TMEM245: variants seen among roughly 807,000 people sequenced by gnomAD.
TMEM245 encodes the protein transmembrane protein 245.
TMEM245 carries 69 observed loss-of-function variants against 101.2 expected under a neutral mutation model. The observed-to-expected ratio is 0.68, with a 90% CI of 0.56 to 0.83. The LOEUF is 0.83. TMEM245 is among the 40% of genes least tolerant of loss of function. The pLI is 0.00. For synonymous variants in TMEM245, 537 were observed against 449.8 expected, an observed-to-expected ratio of 1.19 and a Z score of -2.45; for missense variants, 1,075 against 1,092.8, an observed-to-expected ratio of 0.98 and a Z score of 0.23.
rs1317119074 is a variant in TMEM245 at position 109,119,518 on chromosome 9, G to A, written c.396C>T (p.Asp132=). 2 of 1,525,032 alleles carry A rather than the reference G, an allele frequency of 1.3e-6. No homozygotes were observed. Among genetic ancestry groups the A allele is most frequent in the East Asian group, 2.6e-5 (1 of 38,770 alleles). 94.5% of individuals were successfully genotyped at this position (1,525,032 alleles called of 1,614,324 possible). A position where few individuals can be genotyped will look rare whatever the true frequency, so the allele number is the denominator to read the frequency against. ...AALLLPLCFV[D]YGVEALGEQA... ...GCTCGCCCAGGGCCTCGACGCCGTA[G>A]TCGACGAAGCAGAGCGGCAGGAGCA... Residue 132 remains aspartate (D), a synonymous_variant, in exon 1 of 18, where the codon GAC becomes GAT. Transcript: ENST00000374586.
At chr9:109,021,495 TTTTGTTTG>T (rs144725198) in intron 17 of TMEM245, among the ~76,000 whole-genome samples, 3 of 125,748 alleles carry the variant, frequency 2.4e-5, no homozygotes, top group Non-Finnish European at 5.3e-5. Context: ...ACAGTTGGTT[TTTTGTTTG>T]TTTGTTTGTT....
At position 109,026,803 on chromosome 9, in the gene TMEM245, A is replaced by C. The variant is rs548347696; in HGVS notation, c.2595-6298T>G. Reference sequence around the variant, plus strand: ...TTTGGTGCCCTCCCCAACAATGATAAATGAGTTTTTGCTCTATTCCTTCAG... The same window carrying C: ...TTTGGTGCCCTCCCCAACAATGATACATGAGTTTTTGCTCTATTCCTTCAG... On this transcript the variant is annotated intron_variant, in intron 17 of 17. Coordinates refer to ENST00000374586, the MANE Select transcript of TMEM245 (RefSeq NM_032012.4). Among the ~76,000 whole-genome samples, 15 of 151,908 alleles carry C rather than the reference A, an allele frequency of 9.9e-5. No individual in the cohort carries two copies. In the South Asian group the frequency reaches 2.3e-3, roughly 23 times the overall value.
intron 2 of TMEM245, among the ~76,000 whole-genome samples, chr9:109,107,398 CA>C (rs5899836): frequency 0.19 from 18,868 of 100,600 alleles, 1,485 homozygotes; most frequent in African/African-American, 0.25. Context: ...GACTCTGTCT[CA>C]AAAAAAAAAA....
At chr9:109,026,602 A>T (rs544540103) in intron 17 of TMEM245, among the ~76,000 whole-genome samples, 4 of 151,448 alleles carry the variant, frequency 2.6e-5, no homozygotes, top group African/African-American at 9.7e-5. Context: ...ACTAAGAGGC[A>T]AAAGCAACAA....
intron 16 of TMEM245, 68 bp from the exon 17 acceptor site, chr9:109,033,569 A>C: frequency 6.9e-7 from 1 of 1,450,156 alleles, no homozygotes; most frequent in Non-Finnish European, 9.3e-7. Flanking sequence ...TTCTAATACA[A>C]TGTGCATTCT....
chr9:109,019,807 G>C lies in TMEM245; in HGVS notation c.*653C>G, dbSNP rs566751621. The C allele has an allele frequency of 1.3e-5, 2 of 152,620 alleles. No homozygotes were observed. The highest frequency in any genetic ancestry group is 1.9e-4 in the East Asian group (1 of 5,188). 9.5% of individuals were successfully genotyped at this position (152,620 alleles called of 1,614,324 possible). A position where few individuals can be genotyped will look rare whatever the true frequency, so the allele number is the denominator to read the frequency against. ...TTTTATAATTTGGCAATAGTGTAAA[G>C]AAGCGTGAAGAGAAAAGGAAGAGGA... On this transcript the variant is annotated 3_prime_UTR_variant, in exon 18 of 18. Coordinates refer to ENST00000374586, the MANE Select transcript of TMEM245 (RefSeq NM_032012.4).
At chr9:109,108,917 T>C (rs921334926) in intron 1 of TMEM245, among the ~76,000 whole-genome samples, 7 of 152,118 alleles carry the variant, frequency 4.6e-5, no homozygotes, top group African/African-American at 1.4e-4. Context: ...CCTACAGTTT[T>C]CTCTGTTGAT....
Position 109,017,214 on chromosome 9 carries a change from A to G in TMEM245, c.*3246T>C, listed in dbSNP as rs920211507. ...AACTGTAAAAAGCAGTTCCACTTTCAAAGGCTACAGAGTTTGTTTACATAC... is the reference window on the plus strand; with the variant it reads ...AACTGTAAAAAGCAGTTCCACTTTCGAAGGCTACAGAGTTTGTTTACATAC... On this transcript the variant is annotated 3_prime_UTR_variant, in exon 18 of 18. Coordinates refer to ENST00000374586, the MANE Select transcript of TMEM245 (RefSeq NM_032012.4). 2 of 152,210 alleles carry G rather than the reference A, an allele frequency of 1.3e-5. No homozygotes were observed. The highest frequency in any genetic ancestry group is 4.8e-5 in the African/African-American group (2 of 41,460). 9.4% of individuals were successfully genotyped at this position (152,210 alleles called of 1,614,324 possible).
intron 15 of TMEM245, among the ~76,000 whole-genome samples, chr9:109,037,623 T>C (rs1233996689): frequency 6.6e-6 from 1 of 152,198 alleles, no homozygotes; most frequent in Non-Finnish European, 1.5e-5. Context: ...AAGACATGCC[T>C]GCTTCCCCCT....
At position 109,018,604 on chromosome 9, in the gene TMEM245, G is replaced by A. The variant is rs1005405259; in HGVS notation, c.*1856C>T. 6.6e-6 allele frequency: 1 copy of A among 152,106 alleles called. No individual in the cohort carries two copies. Among genetic ancestry groups the A allele is most frequent in the Non-Finnish European group, 1.5e-5 (1 of 68,026 alleles). 9.4% of individuals were successfully genotyped at this position (152,106 alleles called of 1,614,324 possible). On this transcript the variant is annotated 3_prime_UTR_variant, in exon 18 of 18. Transcript: ENST00000374586. ...CTAAATGAAATTTTTCTTAAGTAGT[G>A]TAAGAATAAATTTAAACTAATTATA... is the stretch of plus-strand genomic sequence containing the variant.
Position 109,052,808 on chromosome 9 carries a change from T to TA in TMEM245, c.1855-2117dup, listed in dbSNP as rs943132026. ...GCTTCAGTCATTTTGGAATTTTTAT[T>TA]AAAAAAAAAAATTTAAATAGTTTCT... On this transcript the variant is annotated intron_variant, in intron 12 of 17. Coordinates refer to ENST00000374586, the MANE Select transcript of TMEM245 (RefSeq NM_032012.4). 1.2e-3 allele frequency among the ~76,000 whole-genome samples: 172 copies of TA among 149,112 alleles called. 3 individuals are homozygous for TA. The South Asian group carries it at 0.028, about 24-fold the overall frequency.
rs924366626 is a variant in TMEM245 at position 109,117,405 on chromosome 9, A to C, written c.579+1930T>G. 1.1e-4 allele frequency among the ~76,000 whole-genome samples: 17 copies of C among 152,216 alleles called. No homozygotes were observed. The East Asian group carries it at 3.3e-3, about 29-fold the overall frequency. ...AGTGCTGGGATTACAGGCGTGAGCC[A>C]CCGCGCCCGGCCAATTTCAAGCTTT... On this transcript the variant is annotated intron_variant, in intron 1 of 17. Transcript: ENST00000374586.
intron 17 of TMEM245, among the ~76,000 whole-genome samples, chr9:109,023,373 T>A (rs563165689): frequency 3.0e-4 from 46 of 152,350 alleles, no homozygotes; most frequent in African/African-American, 1.1e-3. Context: ...AACTAATAAG[T>A]AAAGCTCATA....
At chr9:109,041,884 G>A (rs1828319830) in intron 14 of TMEM245, among the ~76,000 whole-genome samples, 1 of 151,920 alleles carries the variant, frequency 6.6e-6, no homozygotes, top group Non-Finnish European at 1.5e-5. Context: ...TAATCCTAAC[G>A]CTGTCAGAGG....
In TMEM245 at chr9:109,087,261, A is replaced by G. The variant is rs1049511156; in HGVS notation, c.1232T>C (p.Ile411Thr). The change falls in exon 6 of 18, where the codon ATA (isoleucine) becomes ACA (threonine). Residue 411 changes from isoleucine to threonine, a missense_variant. Physicochemically the swap from Ile to Thr is moderately conservative, Grantham distance 89. Coordinates refer to ENST00000374586, the MANE Select transcript of TMEM245 (RefSeq NM_032012.4). ...EKRYHVWWGI[I>T]ESFLKERQGA... ...CTGCCGCTCCTTCAGGAAGCTTTCT[A>G]TAATGCCCCACCACACATGGTAGCG... 2 of 1,613,974 alleles carry G rather than the reference A, an allele frequency of 1.2e-6. No individual in the cohort carries two copies. The highest frequency in any genetic ancestry group is 2.7e-5 in the African/African-American group (2 of 74,936).
rs1406965950 is a variant in TMEM245 at position 109,119,787 on chromosome 9, C to A, written c.127G>T (p.Ala43Ser). The change falls in exon 1 of 18, where the codon GCG (alanine) becomes TCG (serine). Residue 43 changes from alanine to serine, a missense_variant. By Grantham distance (99) the Ala-to-Ser change is moderately conservative (BLOSUM62 1). Around this residue, in one of 2 missense-constraint regions of TMEM245, gnomAD observed 808 missense variants for 741.5 expected, o/e 1.09. Transcript: ENST00000374586. ...TTAATGGGCTTGTCGAAGCGCAGCG[C>A]CAGCGCCGCGGTCCGCGGGGTCTCC... Reference protein sequence around the residue: ...GGETPRTAALALRFDKPIKQA... With the variant: ...GGETPRTAALSLRFDKPIKQA... 2 of 1,473,852 alleles carry A rather than the reference C, an allele frequency of 1.4e-6. No individual in the cohort carries two copies. The highest frequency in any genetic ancestry group is 1.8e-6 in the Non-Finnish European group (2 of 1,115,846). The allele number at this position is 1,473,852 out of a possible 1,614,324, so 91.3% of individuals were successfully genotyped here.
chr9:109,091,914 C>T lies in TMEM245; in HGVS notation c.917-759G>A, dbSNP rs193034781. ...AATGAAAATTATTAAGATCCTAAAA[C>T]TTGCATTTTGCCTTCCATTAGAAAA... is the stretch of plus-strand genomic sequence containing the variant. On this transcript the variant is annotated intron_variant, in intron 4 of 17. Transcript: ENST00000374586. 5.7e-3 allele frequency among the ~76,000 whole-genome samples: 868 copies of T among 152,162 alleles called. 7 individuals are homozygous for T. The highest frequency in any genetic ancestry group is 9.4e-3 in the Non-Finnish European group (637 of 68,018).
Position 109,027,977 on chromosome 9 carries a change from C to T in TMEM245, c.2594+5330G>A, listed in dbSNP as rs1175998120. Among the ~76,000 whole-genome samples the T allele has an allele frequency of 2.6e-5, 4 of 152,004 alleles. No individual in the cohort carries two copies. In the South Asian group the frequency reaches 6.2e-4, roughly 24 times the overall value. Reference sequence around the variant, plus strand: ...GATTACAGGCGTGACCCACCGCACCCGGCCATGTCTCATTCTTAACATGAG... The same window carrying T: ...GATTACAGGCGTGACCCACCGCACCTGGCCATGTCTCATTCTTAACATGAG... On this transcript the variant is annotated intron_variant, in intron 17 of 17. Transcript: ENST00000374586.
At chr9:109,083,443 G>A (rs894915731) in intron 7 of TMEM245, among the ~76,000 whole-genome samples, 4 of 152,244 alleles carry the variant, frequency 2.6e-5, no homozygotes, top group African/African-American at 9.6e-5. Context: ...TTTCCATGCT[G>A]AAAGACTGAG....
Sources: gnomAD v4.1 joint callset for allele counts (sites outside exome capture counted in the v4.1 genomes callset) on GRCh38, gnomAD v4.1.1 for gene constraint, gnomAD v4.1.1 regional missense constraint, MANE v1.5 for transcripts, NCBI Gene and HGNC (gene_info 2026-07-23, HGNC 2026-07-21) for gene names.